Variants in WDPCP observed in about 807,000 individuals in gnomAD.
The protein encoded by WDPCP is WD repeat-containing and planar cell polarity effector protein fritz homolog.
A neutral mutation model predicts 93.1 loss-of-function variants in WDPCP; 71 were observed. The ratio of observed to expected loss-of-function variants is 0.76; its 90% CI spans 0.63 to 0.93. WDPCP has a LOEUF of 0.93. Among genes scored for constraint, WDPCP ranks in the 40% least tolerant of loss-of-function variants. The pLI, the probability that WDPCP is intolerant of heterozygous loss-of-function variation, is 0.00. For missense variants in WDPCP, 844 were observed against 887.4 expected (o/e 0.95, Z 0.62); for synonymous variants, 315 against 315.0 (o/e 1.00, Z 0.00).
At chr2:63,680,489 G>A (rs575527873) in intron 2 of WDPCP, among the ~76,000 whole-genome samples, 25 of 152,282 alleles carry the variant, frequency 1.6e-4, no homozygotes, top group Admixed American at 1.3e-3. Context: ...ATCCACAGAG[G>A]GAGCATTTGG....
At chr2:63,386,908 G>A (rs182681650) in intron 10 of WDPCP, among the ~76,000 whole-genome samples, 1 of 152,050 alleles carries the variant, frequency 6.6e-6, no homozygotes, top group East Asian at 1.9e-4. Context: ...ATAAATTTCT[G>A]GGAACGTACA....
At chr2:63,600,581 A>G (rs1709399751) in intron 3 of WDPCP, among the ~76,000 whole-genome samples, 1 of 152,262 alleles carries the variant, frequency 6.6e-6, no homozygotes, top group Non-Finnish European at 1.5e-5. Flanking sequence ...AGCCCTTAGC[A>G]TGGTGCCTGC....
At chr2:63,611,342 A>C (rs185761026) in intron 3 of WDPCP, among the ~76,000 whole-genome samples, 1 of 152,164 alleles carries the variant, frequency 6.6e-6, no homozygotes, top group Admixed American at 6.5e-5. Flanking sequence ...GATTTTTTTT[A>C]ATACTGTTGA....
intron 2 of WDPCP, among the ~76,000 whole-genome samples, chr2:63,765,517 T>C (rs1172844207): frequency 6.6e-6 from 1 of 152,182 alleles, no homozygotes; most frequent in Non-Finnish European, 1.5e-5. Context: ...TGAATTGAAC[T>C]GGGGCCTTGA....
chr2:63,251,296 A>T (rs1680691511), intron 14 of WDPCP, among the ~76,000 whole-genome samples: 1 of 152,134 alleles, frequency 6.6e-6, no homozygotes, highest in Non-Finnish European at 1.5e-5. Context: ...ATTATCAGTG[A>T]TCCCACAGAT....
intron 15 of WDPCP, among the ~76,000 whole-genome samples, chr2:63,155,307 T>C (rs1672158957): frequency 6.6e-6 from 1 of 152,176 alleles, no homozygotes; most frequent in Non-Finnish European, 1.5e-5. Flanking sequence ...TTGAGAGTAA[T>C]GTGTGAGGTT....
Position 63,392,064 on chromosome 2 carries a change from G to C in WDPCP, c.1436-9970C>G, listed in dbSNP as rs1385399493. Among the ~76,000 whole-genome samples, 4 of 152,300 alleles carry C rather than the reference G, an allele frequency of 2.6e-5. No homozygotes were observed. The South Asian group carries it at 6.2e-4, about 24-fold the overall frequency. ...AAAGTTCATATGGAACCAAAAAAGA[G>C]CTTGCATTGCCAAGACAATCCTAAG... On this transcript the variant is annotated intron_variant, in intron 10 of 17. Transcript: ENST00000272321.
chr2:63,375,207 T>A (rs540841764), intron 12 of WDPCP, among the ~76,000 whole-genome samples: 1 of 152,176 alleles, frequency 6.6e-6, no homozygotes, highest in South Asian at 2.1e-4. Flanking sequence ...GTTCCTACTA[T>A]AGTTTCTATT....
chr2:63,163,205 T>TTTCTC (rs1672747908), intron 15 of WDPCP, among the ~76,000 whole-genome samples: 1 of 152,214 alleles, frequency 6.6e-6, no homozygotes, highest in Non-Finnish European at 1.5e-5. Context: ...TCCCATTGTC[T>TTTCTC]TTCTCACATT....
chr2:63,384,843 C>A (rs1281244432), intron 10 of WDPCP, among the ~76,000 whole-genome samples: 1 of 151,664 alleles, frequency 6.6e-6, no homozygotes, highest in Non-Finnish European at 1.5e-5. Context: ...TAGAATTACA[C>A]TGACACCAAA....
intron 6 of WDPCP, chr2:63,443,090 CCA>C (rs1311919199): frequency 6.6e-6 from 1 of 152,000 alleles, no homozygotes; most frequent in Non-Finnish European, 1.5e-5. Flanking sequence ...ATAGGTACAG[CCA>C]CTTTTTCATA....
chr2:63,445,018 T>G (rs750901133), intron 6 of WDPCP, among the ~76,000 whole-genome samples: 14 of 152,108 alleles, frequency 9.2e-5, no homozygotes, highest in Non-Finnish European at 1.6e-4. Flanking sequence ...AACCCTAAAG[T>G]CTACAGTACT....
chr2:63,523,340 A>G (rs1225956118), intron 1 of WDPCP, among the ~76,000 whole-genome samples: 1 of 152,170 alleles, frequency 6.6e-6, no homozygotes, highest in Non-Finnish European at 1.5e-5. Flanking sequence ...ACAAACCCAC[A>G]GCCAGCATCA....
rs1401140458 is a variant in WDPCP at position 63,145,045 on chromosome 2, AGCTG to A, written c.2190+7865_2190+7868del. Among the ~76,000 whole-genome samples the A allele has an allele frequency of 5.9e-5, 9 of 152,218 alleles. No individual in the cohort carries two copies. In the East Asian group the frequency reaches 1.7e-3, roughly 29 times the overall value. Reference sequence around the variant, plus strand: ...GTTTCTCTTCTGGGTCTAGCTACCCAGCTGGTTTATCTGGCTCCAGGCTGGTACT... The same window carrying A: ...GTTTCTCTTCTGGGTCTAGCTACCCAGTTTATCTGGCTCCAGGCTGGTACT... On this transcript the variant is annotated intron_variant, in intron 17 of 17. Transcript: ENST00000272321.
chr2:63,825,730 A>T (rs980480394), intron 1 of WDPCP, among the ~76,000 whole-genome samples: 10 of 152,074 alleles, frequency 6.6e-5, no homozygotes, highest in African/African-American at 2.4e-4. Flanking sequence ...GAAACAGAGA[A>T]TTGTGCACTG....
intron 13 of WDPCP, among the ~76,000 whole-genome samples, chr2:63,280,833 T>A (rs1296484273): frequency 6.6e-6 from 1 of 152,188 alleles, no homozygotes; most frequent in African/African-American, 2.4e-5. Context: ...CAACTCAAGA[T>A]GGATTGAAGT....
intron 3 of WDPCP, among the ~76,000 whole-genome samples, chr2:63,646,880 G>A (rs1244836437): frequency 6.6e-6 from 1 of 151,838 alleles, no homozygotes; most frequent in African/African-American, 2.4e-5. Context: ...AATGTCTTGA[G>A]GTAGTCTTCT....
chr2:63,357,506 A>G (rs1232608245), intron 12 of WDPCP, among the ~76,000 whole-genome samples: 1 of 152,214 alleles, frequency 6.6e-6, no homozygotes, highest in African/African-American at 2.4e-5. Context: ...GAAGCATATG[A>G]AAAAAAGCTC....
chr2:63,667,147 T>C (rs941221017), intron 2 of WDPCP, among the ~76,000 whole-genome samples: 1 of 152,238 alleles, frequency 6.6e-6, no homozygotes, highest in Non-Finnish European at 1.5e-5. Flanking sequence ...ATGTCAAGTA[T>C]ATGCCAAGAA....
Sources: gnomAD v4.1 joint callset for allele counts (sites outside exome capture counted in the v4.1 genomes callset) on GRCh38, gnomAD v4.1.1 for gene constraint, MANE v1.5 for transcripts, NCBI Gene and HGNC (gene_info 2026-07-23, HGNC 2026-07-21) for gene names.